Variants in SPOP observed in about 807,000 individuals in gnomAD.
The protein encoded by SPOP is speckle type BTB/POZ protein.
A neutral mutation model predicts 45.6 loss-of-function variants in SPOP; 11 were observed. The ratio of observed to expected loss-of-function variants is 0.24; its 90% confidence interval spans 0.15 to 0.40. The LOEUF is 0.40. SPOP is among the 10% of genes least tolerant of loss of function. SPOP has a pLI of 1.00. For synonymous variants in SPOP, 166 were observed against 166.3 expected (o/e 1.00, Z 0.01); for missense variants, 152 against 465.6 (o/e 0.33, Z 6.20).
At chr17:49,629,099 G>A (rs139596288) in intron 1 of SPOP, among the ~76,000 whole-genome samples, 8,683 of 151,340 alleles carry the variant, frequency 0.057, 352 homozygotes, top group East Asian at 0.14. Flanking sequence ...AAAATTAGCC[G>A]TGCGTGGTGG....
At chr17:49,609,286 G>A (rs112795985) in intron 6 of SPOP, among the ~76,000 whole-genome samples, 4 of 152,208 alleles carry the variant, frequency 2.6e-5, no homozygotes, top group Admixed American at 2.0e-4. Flanking sequence ...AATTTCTACC[G>A]AAAGGATATC....
chr17:49,639,650 T>C (rs757821418), intron 1 of SPOP, among the ~76,000 whole-genome samples: 48 of 152,356 alleles, frequency 3.2e-4, no homozygotes, highest in Admixed American at 1.8e-3. Flanking sequence ...AATCACATAA[T>C]GTATTATTCC....
chr17:49,608,293 T>C (rs954843057), intron 6 of SPOP, among the ~76,000 whole-genome samples: 4 of 152,188 alleles, frequency 2.6e-5, no homozygotes, highest in Non-Finnish European at 5.9e-5. Context: ...CTAATACCTA[T>C]GTTTTTGTTG....
At chr17:49,621,817 G>T in intron 3 of SPOP, 129 bp downstream of exon 3, 1 of 981,044 alleles carries the variant, frequency 1.0e-6, no homozygotes, top group Non-Finnish European at 1.5e-6. Context: ...CTAGGCACTG[G>T]GAAATACAGT....
At chr17:49,661,704 TC>T (rs2072989599) in intron 1 of SPOP, among the ~76,000 whole-genome samples, 1 of 152,208 alleles carries the variant, frequency 6.6e-6, no homozygotes, top group African/African-American at 2.4e-5. Flanking sequence ...ACTATTCCCT[TC>T]CCTTCTCTAC....
chr17:49,609,647 C>A (rs897670635), intron 6 of SPOP, among the ~76,000 whole-genome samples: 20 of 151,906 alleles, frequency 1.3e-4, no homozygotes. Context: ...AATTTAGGAA[C>A]CAGTAGATCA....
intron 5 of SPOP, among the ~76,000 whole-genome samples, chr17:49,611,738 A>G (rs1398833906): frequency 6.6e-6 from 1 of 152,168 alleles, no homozygotes; most frequent in African/African-American, 2.4e-5. Flanking sequence ...CTTGGACTAC[A>G]AACCTGGGCA....
At chr17:49,602,303 C>G (rs752039213) in intron 8 of SPOP, 15 of 251,978 alleles carry the variant, frequency 6.0e-5, no homozygotes, top group Non-Finnish European at 1.1e-4. Context: ...TTACTCTCCT[C>G]CTGACTGTGA....
intron 1 of SPOP, 60 bp downstream of exon 1, chr17:49,677,873 G>C (rs1369521052): frequency 5.2e-6 from 2 of 384,174 alleles, no homozygotes; most frequent in African/African-American, 4.3e-5. Context: ...CTTCAGGGAG[G>C]TGCCCCCCCC....
At chr17:49,665,891 G>A (rs558205960) in intron 1 of SPOP, among the ~76,000 whole-genome samples, 1 of 151,540 alleles carries the variant, frequency 6.6e-6, no homozygotes, top group South Asian at 2.1e-4. Context: ...GGCTGAGGCA[G>A]GAGAATTGCC....
chr17:49,621,966 T>C lies in SPOP; in HGVS notation c.180A>G (p.Gly60=), dbSNP rs748317501. 1.9e-6 allele frequency: 3 copies of C among 1,613,942 alleles called. No individual in the cohort carries two copies. Among genetic ancestry groups the C allele is most frequent in the Non-Finnish European group, 2.5e-6 (3 of 1,179,866 alleles). ...EVIKSSTFSS[G]ANDKLKWCLR... ...CTCACCATTTCAGTTTATCATTTGC[T>C]CCTGATGAAAATGTAGAACTTTTAA... The change falls in exon 3 of 10, where the codon GGA becomes GGG. Residue 60 remains glycine, a synonymous_variant. Coordinates refer to ENST00000504102, the MANE Select transcript of SPOP (RefSeq NM_001007228.2).
intron 1 of SPOP, among the ~76,000 whole-genome samples, chr17:49,650,717 A>G: frequency 6.6e-6 from 1 of 152,234 alleles, no homozygotes; most frequent in African/African-American, 2.4e-5. Context: ...AATTGACAAA[A>G]CTTGCTAATA....
rs1239578953 is a variant in SPOP, at chr17:49,600,614, G to A, written c.981-92C>T. 3.6e-6 allele frequency: 5 copies of A among 1,401,516 alleles called. No homozygotes were observed. The highest frequency in any genetic ancestry group is 5.0e-6 in the Non-Finnish European group (5 of 1,008,104). 86.8% of individuals were successfully genotyped at this position (1,401,516 alleles called of 1,614,324 possible). On this transcript the variant is annotated intron_variant, in intron 9 of 9. Transcript: ENST00000504102. The surrounding 1 kb of genome is among the most constrained non-coding windows in gnomAD (Gnocchi z 4.2). ...AGATAGCCTAATTTTCCACTGTTAG[G>A]TATAAAGGGTGTCAATGCAAGAAAC...
intron 1 of SPOP, among the ~76,000 whole-genome samples, chr17:49,642,068 T>C (rs1000835964): frequency 6.6e-6 from 1 of 151,086 alleles, no homozygotes; most frequent in South Asian, 2.1e-4. Context: ...AACAATGCCA[T>C]TGAGGGCACA....
At chr17:49,657,011 C>T (rs1411196964) in intron 1 of SPOP, among the ~76,000 whole-genome samples, 1 of 151,824 alleles carries the variant, frequency 6.6e-6, no homozygotes, top group Non-Finnish European at 1.5e-5. Context: ...GAAATCCCGT[C>T]TCTACTAAAA....
intron 5 of SPOP, chr17:49,618,654 T>C (rs2072142325): frequency 2.2e-6 from 1 of 457,130 alleles, no homozygotes; most frequent in Non-Finnish European, 4.2e-6. Flanking sequence ...CAGATACACA[T>C]ATTTAGCTTG....
At chr17:49,601,788 C>T (rs562217582) in intron 9 of SPOP, 77 bp downstream of exon 9, 4 of 1,564,066 alleles carry the variant, frequency 2.6e-6, no homozygotes, top group African/African-American at 1.4e-5. Context: ...CCTGCTTTAC[C>T]CACTAATTCA....
chr17:49,632,620 G>T (rs187886019), intron 1 of SPOP, among the ~76,000 whole-genome samples: 4 of 151,890 alleles, frequency 2.6e-5, no homozygotes, highest in Admixed American at 2.6e-4. Context: ...AGCCTCCCAA[G>T]TAGCTGGGAT....
At chr17:49,611,524 G>C in intron 5 of SPOP, 67 bp from the exon 6 acceptor site, 1 of 790,970 alleles carries the variant, frequency 1.3e-6, no homozygotes. Flanking sequence ...GCAGATAGAC[G>C]ACTTTTACCT....
Sources: allele counts gnomAD v4.1 joint callset (sites outside exome capture counted in the v4.1 genomes callset), GRCh38; gene constraint gnomAD v4.1.1; non-coding constraint Gnocchi (gnomAD v3.1); transcripts MANE v1.5; gene names NCBI Gene and HGNC (gene_info 2026-07-23, HGNC 2026-07-21).